ERCC6L2: variants seen among roughly 807,000 people sequenced by gnomAD.
ERCC6L2 encodes the protein DNA excision repair protein ERCC-6-like 2.
Under a neutral mutation model 132.0 loss-of-function variants are expected in ERCC6L2, and 77 were observed. That is an observed-to-expected ratio of 0.58 (90% CI 0.49 to 0.71). The LOEUF (loss-of-function observed/expected upper bound fraction) is 0.71. ERCC6L2 is among the 30% of genes least tolerant of loss of function. The pLI, the probability that ERCC6L2 is intolerant of heterozygous loss-of-function variation, is 0.00. For synonymous variants in ERCC6L2, 583 were observed against 632.4 expected, an observed-to-expected ratio of 0.92 and a Z score of 1.17; for missense variants, 1,542 against 1,837.6, an observed-to-expected ratio of 0.84 and a Z score of 2.94.
intron 2 of ERCC6L2, among the ~76,000 whole-genome samples, chr9:95,896,376 G>GTTTT (rs1471049213): frequency 2.7e-5 from 4 of 145,478 alleles, no homozygotes; most frequent in Non-Finnish European, 4.5e-5. Context: ...TTGTCTATTT[G>GTTTT]TTTTTTTGTT....
intron 13 of ERCC6L2, 46 bp from the exon 14 acceptor site, chr9:95,966,516 G>T: frequency 7.1e-7 from 1 of 1,404,328 alleles, no homozygotes; most frequent in Non-Finnish European, 9.4e-7. Context: ...CTGACATATT[G>T]TTGGAGCAAA....
intron 17 of ERCC6L2, among the ~76,000 whole-genome samples, chr9:95,984,132 T>C (rs667705): frequency 0.32 from 48,660 of 150,018 alleles, 8,002 homozygotes; most frequent in East Asian, 0.4. Flanking sequence ...TGTTTATACA[T>C]ATATGTATAA....
rs35421948 is a variant in ERCC6L2, at chr9:96,030,701, CAA to C, written c.*1504-8157_*1504-8156del. Among the ~76,000 whole-genome samples, 8 of 79,956 alleles carry C rather than the reference CAA, an allele frequency of 1.0e-4. No homozygotes were observed. In the East Asian group the frequency reaches 1.1e-3, roughly 11 times the overall value. The allele number at this position is 79,956 out of a possible 152,430, so 52.5% of individuals were successfully genotyped here. A position where few individuals can be genotyped will look rare whatever the true frequency, so the allele number is the denominator to read the frequency against. On this transcript the variant is annotated intron_variant and NMD_transcript_variant, in intron 19 of 20. Transcript: ENST00000670016. ...TGGGCGACAAAGCGAGACTCCATCT[CAA>C]AAAAAAAAAAAAAAAAAGCTGTAAC...
Position 95,880,441 on chromosome 9 carries a change from C to T in ERCC6L2, c.47-428C>T, listed in dbSNP as rs75165868. Among the ~76,000 whole-genome samples the T allele has an allele frequency of 5.1e-3, 770 of 152,250 alleles. 18 individuals are homozygous for T. In the East Asian group the frequency reaches 0.087, roughly 17 times the overall value. On this transcript the variant is annotated intron_variant, in intron 1 of 18. Coordinates refer to ENST00000653738, the MANE Select transcript of ERCC6L2 (RefSeq NM_020207.7). The stretch of plus-strand genomic sequence containing the variant: ...TGAAATATATGTATATATATATGTT[C>T]ATGAGTCAGGAAGAATATTTTAGTC...
At chr9:95,924,344 G>A (rs1830011396) in intron 9 of ERCC6L2, among the ~76,000 whole-genome samples, 1 of 151,828 alleles carries the variant, frequency 6.6e-6, no homozygotes, top group African/African-American at 2.4e-5. Flanking sequence ...TTAAAAACTT[G>A]CTTTTAAAAA....
intron 19 of ERCC6L2, among the ~76,000 whole-genome samples, chr9:96,029,543 A>G (rs1055680875): frequency 5.3e-5 from 8 of 152,154 alleles, no homozygotes; most frequent in African/African-American, 1.9e-4. Flanking sequence ...ACTCCAACAA[A>G]AAGTTTCGGA....
intron 17 of ERCC6L2, among the ~76,000 whole-genome samples, chr9:95,979,724 A>G (rs1440316513): frequency 6.6e-6 from 1 of 152,160 alleles, no homozygotes; most frequent in African/African-American, 2.4e-5. Context: ...GGAATATACC[A>G]TCTCTCAACC....
intron 19 of ERCC6L2, among the ~76,000 whole-genome samples, chr9:96,032,984 G>A (rs1834479332): frequency 6.6e-6 from 1 of 152,172 alleles, no homozygotes; most frequent in Non-Finnish European, 1.5e-5. Flanking sequence ...AGGCTCGTGT[G>A]TCGGTGATTT....
chr9:95,925,836 A>G (rs1290579475), intron 9 of ERCC6L2, among the ~76,000 whole-genome samples: 1 of 152,210 alleles, frequency 6.6e-6, no homozygotes, highest in Non-Finnish European at 1.5e-5. Context: ...AATATTAGCA[A>G]AACAATAAAG....
Position 96,013,029 on chromosome 9 carries a change from C to G in ERCC6L2, c.4479C>G (p.Leu1493=). ...NEQNDESLSK[L]TDLAVIETLC... ...AGAATGATGAGAGTCTTAGTAAACT[C>G]ACAGACTTGGCAGTAATAGAGACTC... is the stretch of plus-strand genomic sequence containing the variant. The change falls in exon 19 of 19, where the codon CTC becomes CTG. Residue 1493 remains leucine (L), a synonymous_variant. Coordinates refer to ENST00000653738, the MANE Select transcript of ERCC6L2 (RefSeq NM_020207.7). 1 of 1,367,584 alleles carries G rather than the reference C, an allele frequency of 7.3e-7. No homozygotes were observed. The highest frequency in any genetic ancestry group is 9.8e-7 in the Non-Finnish European group (1 of 1,021,804). The allele number at this position is 1,367,584 out of a possible 1,614,324, so 84.7% of individuals were successfully genotyped here. A position where few individuals can be genotyped will look rare whatever the true frequency, so the allele number is the denominator to read the frequency against.
intron 2 of ERCC6L2, among the ~76,000 whole-genome samples, chr9:95,896,932 A>G (rs1253341638): frequency 6.6e-6 from 1 of 152,122 alleles, no homozygotes; most frequent in African/African-American, 2.4e-5. Flanking sequence ...ATTTCTTCAG[A>G]TACTTCTGTA....
rs758570838 is a variant in ERCC6L2 at position 95,961,965 on chromosome 9, G to A, written c.1948-4597G>A. On this transcript the variant is annotated intron_variant, in intron 13 of 18. Transcript: ENST00000653738. ...CCACGAGAACAGTAGGGGGTGAACC[G>A]CCCACATGATTCAGTTATCTCCCAC... 1.4e-3 allele frequency among the ~76,000 whole-genome samples: 210 copies of A among 151,536 alleles called. 1 individual carries two copies. The highest frequency in any genetic ancestry group is 6.8e-3 in the Middle Eastern group (2 of 294).
downstream of ERCC6L2, among the ~76,000 whole-genome samples, chr9:96,022,931 C>T (rs1208214368): frequency 6.6e-6 from 1 of 152,178 alleles, no homozygotes; most frequent in Non-Finnish European, 1.5e-5. Flanking sequence ...ACACAGGCCA[C>T]TTAGCGCGCT....
At chr9:95,940,133 A>C (rs1206712301) in intron 11 of ERCC6L2, among the ~76,000 whole-genome samples, 2 of 152,172 alleles carry the variant, frequency 1.3e-5, no homozygotes, top group Non-Finnish European at 2.9e-5. Flanking sequence ...CCACCCCAGC[A>C]AGAATCAGTG....
chr9:95,933,040 G>A (rs564356418), intron 11 of ERCC6L2, among the ~76,000 whole-genome samples: 8 of 152,194 alleles, frequency 5.3e-5, no homozygotes, highest in African/African-American at 1.7e-4. Context: ...TTTAAAGGGA[G>A]CTTTGCTTCT....
At chr9:95,880,426 G>GTA (rs1183783507) in intron 1 of ERCC6L2, among the ~76,000 whole-genome samples, 13 of 152,158 alleles carry the variant, frequency 8.5e-5, no homozygotes, top group East Asian at 1.9e-4. Context: ...TGAAATATAT[G>GTA]TATATATATA....
At chr9:95,925,986 AT>A (rs1457002455) in intron 9 of ERCC6L2, among the ~76,000 whole-genome samples, 2 of 152,214 alleles carry the variant, frequency 1.3e-5, no homozygotes, top group Non-Finnish European at 2.9e-5. Flanking sequence ...ATGTGAAAAG[AT>A]GCTCAACAAC....
chr9:96,030,673 G>T (rs977610190), intron 19 of ERCC6L2, among the ~76,000 whole-genome samples: 2 of 141,938 alleles, frequency 1.4e-5, no homozygotes, highest in Non-Finnish European at 1.5e-5. Context: ...CTGCACTCCA[G>T]CCTGGGCGAC....
intron 1 of ERCC6L2, among the ~76,000 whole-genome samples, chr9:95,877,859 T>C (rs917488665): frequency 3.9e-5 from 6 of 151,922 alleles, no homozygotes; most frequent in African/African-American, 1.5e-4. Context: ...TCACTGAATG[T>C]CTGCTGTGTG....
Sources: gnomAD v4.1 joint callset for allele counts (sites outside exome capture counted in the v4.1 genomes callset) on GRCh38, gnomAD v4.1.1 for gene constraint, MANE v1.5 for transcripts, NCBI Gene and HGNC (gene_info 2026-07-23, HGNC 2026-07-21) for gene names.